RALGAPA2: variants seen among roughly 807,000 people sequenced by gnomAD.
RALGAPA2 encodes Ral GTPase activating protein catalytic subunit alpha 2, also known as ral GTPase-activating protein subunit alpha-2.
A neutral mutation model predicts 230.4 loss-of-function variants in RALGAPA2; 139 were observed. The observed-to-expected ratio is 0.60, with a 90% CI of 0.53 to 0.69. The LOEUF is 0.69. RALGAPA2 is among the 30% of genes least tolerant of loss of function. RALGAPA2 has a pLI of 0.00. For missense variants in RALGAPA2, 2,163 were observed against 2,276.0 expected, an observed-to-expected ratio of 0.95 and a Z score of 1.01; for synonymous variants, 847 against 837.8, an observed-to-expected ratio of 1.01 and a Z score of -0.19.
chr20:20,658,198 A>G (rs1351687523), intron 3 of RALGAPA2, among the ~76,000 whole-genome samples: 1 of 152,220 alleles, frequency 6.6e-6, no homozygotes, highest in African/African-American at 2.4e-5. Context: ...AGCTACTAAG[A>G]ATATTCCCAA....
In RALGAPA2 at chr20:20,495,243, G is replaced by A. The variant is rs767696327; in HGVS notation, c.5241C>T (p.Ile1747=). The A allele has an allele frequency of 1.0e-5, 16 of 1,555,330 alleles. No homozygotes were observed. The highest frequency in any genetic ancestry group is 1.7e-4 in the Middle Eastern group (1 of 5,870). ...AGTCTCTGGAGTGTTCAGACCAGAC[G>A]ATATGGACCTCGTCATTCCCCAAGT... ...LRHLGNDEVH[I]VWSEHSRDYR... is the part of the protein sequence containing the mutation. The change falls in exon 36 of 40, where the codon ATC becomes ATT. Residue 1747 remains isoleucine, a synonymous_variant. Transcript: ENST00000202677.
intron 2 of RALGAPA2, among the ~76,000 whole-genome samples, chr20:20,677,609 C>A (rs1474936553): frequency 6.9e-6 from 1 of 145,800 alleles, no homozygotes; most frequent in Non-Finnish European, 1.5e-5. Flanking sequence ...TTACAGCAGC[C>A]AAGAATCATG....
In RALGAPA2 at chr20:20,691,423, T is replaced by A. The variant is rs369535783; in HGVS notation, c.107-10622A>T. Among the ~76,000 whole-genome samples the A allele has an allele frequency of 3.3e-5, 5 of 152,338 alleles. No individual in the cohort carries two copies. In the East Asian group the frequency reaches 5.8e-4, roughly 18 times the overall value. ...AACCTGATTCAATTGAAAGTATTTATCAGAGCACAGGCCATGTACGGGATA... is the reference window on the plus strand; with the variant it reads ...AACCTGATTCAATTGAAAGTATTTAACAGAGCACAGGCCATGTACGGGATA... On this transcript the variant is annotated intron_variant, in intron 1 of 39. Transcript: ENST00000202677.
At position 20,546,706 on chromosome 20, in the gene RALGAPA2, T is replaced by C; in HGVS notation, c.3283A>G (p.Thr1095Ala). The change falls in exon 24 of 40, where the codon ACG (threonine) becomes GCG (alanine). Residue 1095 changes from threonine (T) to alanine (A), a missense_variant and splice_region_variant. Coordinates refer to ENST00000202677, the MANE Select transcript of RALGAPA2 (RefSeq NM_020343.4). The stretch of plus-strand genomic sequence containing the variant: ...ATGCTGAGCATTGTCATACTCACCG[T>C]CAAAATGTCTGTGCTAAGGACCCTG... ...AARVLSTDIL[T>A]APRSEAVTVL... The C allele has an allele frequency of 6.3e-7, 1 of 1,596,350 alleles. No homozygotes were observed. Among genetic ancestry groups the C allele is most frequent in the Non-Finnish European group, 8.5e-7 (1 of 1,174,688 alleles).
intron 10 of RALGAPA2, among the ~76,000 whole-genome samples, chr20:20,623,011 T>C (rs1006603557): frequency 6.6e-6 from 1 of 152,118 alleles, no homozygotes; most frequent in African/African-American, 2.4e-5. Context: ...TTAAAGTAAC[T>C]ACAAATGACC....
chr20:20,666,582 G>GA (rs1157745645), intron 3 of RALGAPA2, among the ~76,000 whole-genome samples: 1 of 152,190 alleles, frequency 6.6e-6, no homozygotes, highest in South Asian at 2.1e-4. Context: ...GAGCAGCACG[G>GA]AAGGATGGCT....
At position 20,412,019 on chromosome 20, in the gene RALGAPA2, ACACT is replaced by A; in HGVS notation, c.5617+4_5617+7del. On this transcript the variant is annotated splice_donor_5th_base_variant and intron_variant, in intron 38 of 39. Transcript: ENST00000202677. ...AGCGCGTGAGAGAAGAATAATGTAG[ACACT>A]CACCCGTTCCGCTGAGGGAGTAGCT... The A allele has an allele frequency of 6.2e-7, 1 of 1,613,970 alleles. No individual in the cohort carries two copies. Among genetic ancestry groups the A allele is most frequent in the Non-Finnish European group, 8.5e-7 (1 of 1,179,834 alleles).
At position 20,569,946 on chromosome 20, in the gene RALGAPA2, T is replaced by G. The variant is rs557274281; in HGVS notation, c.3156+1512A>C. Among the ~76,000 whole-genome samples the G allele has an allele frequency of 1.1e-4, 16 of 152,314 alleles. No homozygotes were observed. The South Asian group carries it at 3.1e-3, about 30-fold the overall frequency. On this transcript the variant is annotated intron_variant, in intron 23 of 39. Transcript: ENST00000202677. ...TAAGTAAACCTTCCTCTTTTGTTTC[T>G]TTCACTGAAGGAGTTCATTATTATC...
chr20:20,419,929 C>G (rs1445293087), intron 37 of RALGAPA2, among the ~76,000 whole-genome samples: 1 of 152,196 alleles, frequency 6.6e-6, no homozygotes, highest in African/African-American at 2.4e-5. Context: ...CTGCCACCAG[C>G]AATCCTGCAT....
chr20:20,506,383 A>C (rs1480988187), intron 33 of RALGAPA2, among the ~76,000 whole-genome samples: 1 of 152,196 alleles, frequency 6.6e-6, no homozygotes, highest in Non-Finnish European at 1.5e-5. Context: ...ATTTGAATGC[A>C]TTAATAATAA....
chr20:20,491,813 G>A (rs544421854), intron 36 of RALGAPA2, among the ~76,000 whole-genome samples: 7 of 152,128 alleles, frequency 4.6e-5, no homozygotes, highest in Non-Finnish European at 8.8e-5. Flanking sequence ...ATGGAATGAT[G>A]CTGCTAAGCA....
chr20:20,455,969 G>A (rs1056482112), intron 37 of RALGAPA2, among the ~76,000 whole-genome samples: 5 of 152,146 alleles, frequency 3.3e-5, no homozygotes, highest in African/African-American at 1.2e-4. Context: ...GTGAAAATAA[G>A]GAGCTCAAGG....
At chr20:20,506,063 A>C (rs758559792) in intron 33 of RALGAPA2, among the ~76,000 whole-genome samples, 5 of 152,160 alleles carry the variant, frequency 3.3e-5, no homozygotes, top group Non-Finnish European at 7.3e-5. Context: ...GAAAAAGAAG[A>C]TCCTTCCAAG....
chr20:20,563,001 CGGAAGGCAGT>C (rs1243422552), intron 23 of RALGAPA2, among the ~76,000 whole-genome samples: 1 of 152,150 alleles, frequency 6.6e-6, no homozygotes, highest in Non-Finnish European at 1.5e-5. Context: ...GGAAAACACT[CGGAAGGCAGT>C]GGATGCTACC....
At chr20:20,617,295 C>T (rs925805196) in intron 12 of RALGAPA2, among the ~76,000 whole-genome samples, 2 of 152,178 alleles carry the variant, frequency 1.3e-5, no homozygotes, top group Non-Finnish European at 2.9e-5. Flanking sequence ...AAAATATTCA[C>T]AGCCTTTAAA....
intron 33 of RALGAPA2, among the ~76,000 whole-genome samples, 165 bp downstream of exon 33, chr20:20,511,089 G>A (rs2062691387): frequency 1.3e-5 from 2 of 152,114 alleles, no homozygotes; most frequent in African/African-American, 4.8e-5. Context: ...ATTCCTTATA[G>A]TAAAAAACAC....
chr20:20,697,171 CT>C (rs2069147108), intron 1 of RALGAPA2, among the ~76,000 whole-genome samples: 1 of 152,148 alleles, frequency 6.6e-6, no homozygotes, highest in African/African-American at 2.4e-5. Flanking sequence ...GCTATGTAGA[CT>C]TAAAGAGTGG....
intron 4 of RALGAPA2, among the ~76,000 whole-genome samples, chr20:20,652,918 A>C (rs778854626): frequency 3.9e-5 from 6 of 152,162 alleles, no homozygotes; most frequent in Non-Finnish European, 8.8e-5. Context: ...TTGGCTGGGC[A>C]CGGTGGCTTA....
intron 37 of RALGAPA2, among the ~76,000 whole-genome samples, chr20:20,443,063 T>C (rs2060774871): frequency 6.6e-6 from 1 of 152,260 alleles, no homozygotes; most frequent in Admixed American, 6.5e-5. Flanking sequence ...AATAGCTGCA[T>C]TTAAAGCATT....
Sources: gnomAD v4.1 joint callset for allele counts (sites outside exome capture counted in the v4.1 genomes callset) on GRCh38, gnomAD v4.1.1 for gene constraint, MANE v1.5 for transcripts, NCBI Gene and HGNC (gene_info 2026-07-23, HGNC 2026-07-21) for gene names.